Variants in LDB2 observed in about 807,000 individuals in gnomAD.
The protein encoded by LDB2 is LIM domain binding 2, also known as LIM domain-binding protein 2.
A neutral mutation model predicts 44.3 loss-of-function variants in LDB2; 12 were observed. That is an observed-to-expected ratio of 0.27 (90% CI 0.17 to 0.44). The LOEUF is 0.44. LDB2 is among the 20% of genes least tolerant of loss of function. The probability of loss-of-function intolerance (pLI) is 1.00; values close to 1 mark genes in which losing one functional copy is unlikely to be tolerated. For missense variants in LDB2, 344 were observed against 473.5 expected, an observed-to-expected ratio of 0.73 and a Z score of 2.54; for synonymous variants, 164 against 174.8, an observed-to-expected ratio of 0.94 and a Z score of 0.49.
intron 2 of LDB2, among the ~76,000 whole-genome samples, chr4:16,748,189 C>A (rs186616551): frequency 2.0e-5 from 3 of 152,226 alleles, no homozygotes; most frequent in African/African-American, 7.2e-5. Flanking sequence ...TAATTAGTGT[C>A]ATCATTGTCA....
chr4:16,545,682 G>A (rs1174163601), intron 5 of LDB2, among the ~76,000 whole-genome samples: 2 of 152,126 alleles, frequency 1.3e-5, no homozygotes, highest in East Asian at 1.9e-4. Flanking sequence ...ATTAATGCAG[G>A]AAAACTTGAA....
At chr4:16,797,912 G>T (rs1339132314) in intron 1 of LDB2, among the ~76,000 whole-genome samples, 1 of 151,798 alleles carries the variant, frequency 6.6e-6, no homozygotes, top group Non-Finnish European at 1.5e-5. Context: ...ACATCCACCT[G>T]TAGCCCCAGC....
At chr4:16,878,407 C>A (rs114543948) in intron 1 of LDB2, among the ~76,000 whole-genome samples, 1,984 of 152,304 alleles carry the variant, frequency 0.013, 21 homozygotes, top group Middle Eastern at 0.058. Context: ...ACACCTTCCA[C>A]GGCTAATCCA....
At chr4:16,604,433 A>G (rs2152455226) in intron 2 of LDB2, among the ~76,000 whole-genome samples, 1 of 151,382 alleles carries the variant, frequency 6.6e-6, no homozygotes, top group South Asian at 2.1e-4. Context: ...TTTCCTATAT[A>G]TAGTCCTGTT....
intron 1 of LDB2, among the ~76,000 whole-genome samples, chr4:16,809,479 G>A (rs956095833): frequency 1.3e-5 from 2 of 152,160 alleles, no homozygotes; most frequent in South Asian, 4.1e-4. Flanking sequence ...GCAGATGCAG[G>A]CACAATTACT....
intron 1 of LDB2, among the ~76,000 whole-genome samples, chr4:16,814,160 G>T (rs1393255365): frequency 6.6e-6 from 1 of 152,138 alleles, no homozygotes; most frequent in Admixed American, 6.5e-5. Context: ...GTGAGCCACC[G>T]CACCCGGCCA....
intron 1 of LDB2, among the ~76,000 whole-genome samples, chr4:16,816,475 C>G (rs1208668535): frequency 7.3e-6 from 1 of 137,644 alleles, no homozygotes; most frequent in Non-Finnish European, 1.5e-5. Context: ...ATTACACGAT[C>G]TCAGCTCACT....
intron 1 of LDB2, among the ~76,000 whole-genome samples, chr4:16,853,708 C>G (rs934939852): frequency 6.6e-6 from 1 of 152,060 alleles, no homozygotes; most frequent in Non-Finnish European, 1.5e-5. Context: ...CCACAATAGT[C>G]AAGATGTGGG....
chr4:16,668,566 AT>A (rs1239460693), intron 2 of LDB2, among the ~76,000 whole-genome samples: 1 of 152,032 alleles, frequency 6.6e-6, no homozygotes, highest in African/African-American at 2.4e-5. Flanking sequence ...TCCCTCCAGC[AT>A]TTTTTTAATG....
At chr4:16,895,422 A>C (rs1473388397) in intron 1 of LDB2, among the ~76,000 whole-genome samples, 2 of 152,142 alleles carry the variant, frequency 1.3e-5, no homozygotes, top group African/African-American at 4.8e-5. Flanking sequence ...GTTTCTAGGA[A>C]ATTTCCAGAA....
chr4:16,821,436 T>G (rs1781985120), intron 1 of LDB2, among the ~76,000 whole-genome samples: 1 of 149,494 alleles, frequency 6.7e-6, no homozygotes. Context: ...CAGGCTGGAG[T>G]GCAGTGGCGC....
intron 2 of LDB2, among the ~76,000 whole-genome samples, chr4:16,624,972 T>C (rs1035930024): frequency 2.0e-5 from 3 of 152,192 alleles, no homozygotes; most frequent in Admixed American, 6.5e-5. Context: ...TAAAGGTATC[T>C]GGCCAAGTTC....
At chr4:16,749,755 A>G (rs976188855) in intron 2 of LDB2, among the ~76,000 whole-genome samples, 1 of 152,062 alleles carries the variant, frequency 6.6e-6, no homozygotes, top group Non-Finnish European at 1.5e-5. Flanking sequence ...TGGGCTAGAT[A>G]TTCAGACATC....
intron 5 of LDB2, among the ~76,000 whole-genome samples, chr4:16,543,363 G>A (rs1277088917): frequency 2.6e-5 from 4 of 152,164 alleles, no homozygotes; most frequent in Admixed American, 2.0e-4. Context: ...CTTCCACAAT[G>A]GTTGAACTAG....
At chr4:16,721,294 T>G (rs990787526) in intron 2 of LDB2, among the ~76,000 whole-genome samples, 1 of 152,134 alleles carries the variant, frequency 6.6e-6, no homozygotes, top group Non-Finnish European at 1.5e-5. Context: ...TTATCCACAT[T>G]GATAACTGAA....
intron 2 of LDB2, among the ~76,000 whole-genome samples, chr4:16,707,341 C>T (rs1462591082): frequency 1.3e-5 from 2 of 151,942 alleles, no homozygotes; most frequent in African/African-American, 2.4e-5. Flanking sequence ...TGTGCTCTAA[C>T]CTTTAGAGCA....
chr4:16,618,867 TAGTC>T (rs547103465), intron 2 of LDB2, among the ~76,000 whole-genome samples: 8 of 152,308 alleles, frequency 5.3e-5, no homozygotes, highest in African/African-American at 1.9e-4. Flanking sequence ...GTTCTCATGA[TAGTC>T]AGTTCTCACG....
At chr4:16,644,270 T>C (rs1216404631) in intron 2 of LDB2, among the ~76,000 whole-genome samples, 1 of 152,158 alleles carries the variant, frequency 6.6e-6, no homozygotes, top group East Asian at 1.9e-4. Flanking sequence ...GAGACACAAA[T>C]GATGGGACTT....
At chr4:16,885,098 T>A (rs1408138124) in intron 1 of LDB2, among the ~76,000 whole-genome samples, 6 of 141,572 alleles carry the variant, frequency 4.2e-5, no homozygotes, top group Admixed American at 3.8e-4. Flanking sequence ...GGCGGGAGGA[T>A]CACTCAAGCT....
Sources: allele counts gnomAD v4.1 joint callset (sites outside exome capture counted in the v4.1 genomes callset), GRCh38; gene constraint gnomAD v4.1.1; transcripts MANE v1.5; gene names NCBI Gene and HGNC (gene_info 2026-07-23, HGNC 2026-07-21).